DVL2: variants seen among roughly 807,000 people sequenced by gnomAD.
DVL2 encodes the protein segment polarity protein dishevelled homolog DVL-2.
Under a neutral mutation model 69.8 loss-of-function variants are expected in DVL2, and 38 were observed. That is an observed-to-expected ratio of 0.54 (90% CI 0.42 to 0.71). The LOEUF (loss-of-function observed/expected upper bound fraction) is 0.71, where lower values mean the gene tolerates loss of function less well. DVL2 is among the 30% of genes least tolerant of loss of function. DVL2 has a pLI of 0.00. For synonymous variants in DVL2, 428 were observed against 392.4 expected (o/e 1.09, Z -1.07); for missense variants, 931 against 1,008.1 (o/e 0.92, Z 1.04).
chr17:7,234,278 C>T lies in DVL2; in HGVS notation c.-16G>A. Reference sequence around the variant, plus strand: ...TACCCGCCATGGTCTCGCCCGCGCGCTCCCGGGCTCCACCGCCCACCCAAA... The same window carrying T: ...TACCCGCCATGGTCTCGCCCGCGCGTTCCCGGGCTCCACCGCCCACCCAAA... On this transcript the variant is annotated 5_prime_UTR_variant, in exon 1 of 15. Coordinates refer to ENST00000005340, the MANE Select transcript of DVL2 (RefSeq NM_004422.3). 6.2e-7 allele frequency: 1 copy of T among 1,603,860 alleles called. No homozygotes were observed. Among genetic ancestry groups the T allele is most frequent in the African/African-American group, 1.3e-5 (1 of 74,812 alleles).
chr17:7,226,169 T>G lies in DVL2; in HGVS notation c.1907A>C (p.Glu636Ala), dbSNP rs767826461. The change falls in exon 15 of 15, where the codon GAA becomes GCA. Residue 636 changes from glutamate (E) to alanine (A), a missense_variant. Physicochemically the swap from Glu to Ala is moderately radical, Grantham distance 107. Transcript: ENST00000005340. ...SRGGSLRRGG[E>A]ASGTSDGGPP... Reference sequence around the variant, plus strand: ...GCCCCCATCGCTAGTCCCACTTGCTTCCCCACCCCGCCGAAGGCTGCCCCC... The same window carrying G: ...GCCCCCATCGCTAGTCCCACTTGCTGCCCCACCCCGCCGAAGGCTGCCCCC... The G allele has an allele frequency of 1.9e-6, 3 of 1,611,412 alleles. No homozygotes were observed. The highest frequency in any genetic ancestry group is 2.5e-6 in the Non-Finnish European group (3 of 1,179,054).
At chr17:7,228,850 G>T in intron 9 of DVL2, 119 bp downstream of exon 9, 2 of 1,009,836 alleles carry the variant, frequency 2.0e-6, no homozygotes, top group East Asian at 2.6e-5. Flanking sequence ...CCAAAGTGCT[G>T]GGTTTACAGG....
rs201425014 is a variant in DVL2, at chr17:7,225,979, C to G, written c.2097G>C (p.Pro699=). 3 of 1,613,666 alleles carry G rather than the reference C, an allele frequency of 1.9e-6. No individual in the cohort carries two copies. The highest frequency in any genetic ancestry group is 3.3e-5 in the Admixed American group (2 of 60,014). Residue 699 remains proline (P), a synonymous_variant, in exon 15 of 15, where the codon CCG becomes CCC. Transcript: ENST00000005340. ...PPPVPPAVQP[P]GAPPVRDLGS... ...CCAGGTCTCTGACTGGAGGGGCCCC[C>G]GGAGGCTGCACTGCTGGAGGGACTG... is the stretch of plus-strand genomic sequence containing the variant.
rs376235365 is a variant in DVL2 at position 7,230,807 on chromosome 17, G to T, written c.195-10C>A. ...TTCTTCCTTCACCACCCTGCCAAGC[G>T]ACAAGGTAGAGGTCAGTGAGCTGGA... On this transcript the variant is annotated splice_polypyrimidine_tract_variant and intron_variant, in intron 1 of 14. Transcript: ENST00000005340. 1 of 1,610,696 alleles carries T rather than the reference G, an allele frequency of 6.2e-7. No individual in the cohort carries two copies. The highest frequency in any genetic ancestry group is 8.5e-7 in the Non-Finnish European group (1 of 1,177,850).
Position 7,226,301 on chromosome 17 carries a change from C to T in DVL2, c.1775G>A (p.Ser592Asn), listed in dbSNP as rs2071446035. ...CCCCCCATCACTCCGTGTCGACCCACTGCTCCGGCTGCCTGTGGAGGGAGG... is the reference window on the plus strand; with the variant it reads ...CCCCCCATCACTCCGTGTCGACCCATTGCTCCGGCTGCCTGTGGAGGGAGG... Reference protein sequence around the residue: ...SSQHSEGSRSSGSTRSDGGAG... With the variant: ...SSQHSEGSRSNGSTRSDGGAG... Residue 592 changes from serine (S) to asparagine (N), a missense_variant, in exon 15 of 15, where the codon AGT becomes AAT. Around this residue, in one of 3 missense-constraint regions of DVL2, gnomAD observed 314 missense variants for 313.7 expected, o/e 1.00. Coordinates refer to ENST00000005340, the MANE Select transcript of DVL2 (RefSeq NM_004422.3). The T allele has an allele frequency of 1.9e-6, 3 of 1,564,904 alleles. No homozygotes were observed. The highest frequency in any genetic ancestry group is 2.7e-5 in the African/African-American group (2 of 73,392).
Position 7,226,110 on chromosome 17 carries a change from G to T in DVL2, c.1966C>A (p.Pro656Thr). The change falls in exon 15 of 15, where the codon CCT becomes ACT. Residue 656 changes from proline (P) to threonine (T), a missense_variant. Physicochemically the swap from Pro to Thr is conservative, Grantham distance 38 (BLOSUM62 -1). Transcript: ENST00000005340. Reference protein sequence around the residue: ...PPSRGSTGGAPNLRAHPGLHP... With the variant: ...PPSRGSTGGATNLRAHPGLHP... ...AGCCCTGGGTGGGCTCGGAGATTAG[G>T]GGCACCCCCAGTTGAGCCTCTGGAT... The T allele has an allele frequency of 6.3e-7, 1 of 1,596,914 alleles. No individual in the cohort carries two copies. Among genetic ancestry groups the T allele is most frequent in the Non-Finnish European group, 8.5e-7 (1 of 1,170,772 alleles).
At chr17:7,230,861 A>T in intron 1 of DVL2, 64 bp from the exon 2 acceptor site, 1 of 1,280,726 alleles carries the variant, frequency 7.8e-7, no homozygotes, top group Non-Finnish European at 1.1e-6. Context: ...ACCCCCATCA[A>T]ACTTTCTCCC....
chr17:7,225,428 C>T lies in DVL2; in HGVS notation c.*437G>A. The T allele has an allele frequency of 2.2e-6, 1 of 446,552 alleles. No homozygotes were observed. The highest frequency in any genetic ancestry group is 4.1e-6 in the Non-Finnish European group (1 of 243,610). 27.7% of individuals were successfully genotyped at this position (446,552 alleles called of 1,614,324 possible). The stretch of plus-strand genomic sequence containing the variant: ...AAAGGCAGCTACATGGCCCAAATCT[C>T]CCAGCTTCCTCAGGCTGCTGTCTAG... On this transcript the variant is annotated 3_prime_UTR_variant, in exon 15 of 15. Transcript: ENST00000005340.
chr17:7,227,341 A>G (rs200892952), intron 12 of DVL2, 63 bp downstream of exon 12: 138 of 1,604,396 alleles, frequency 8.6e-5, no homozygotes, highest in African/African-American at 1.3e-5. Flanking sequence ...TGCCTGTGCC[A>G]TTCCTGGCTT....
At position 7,226,462 on chromosome 17, in the gene DVL2, T is replaced by C; in HGVS notation, c.1721A>G (p.Tyr574Cys). ...QPPPYHELSS[Y>C]TYGGGSASSQ... ...GCTGGCACTGCCCCCACCATAGGTG[T>C]AAGATGAAAGCTCATGGTAGGGTGG... is the stretch of plus-strand genomic sequence containing the variant. The change falls in exon 14 of 15, where the codon TAC (tyrosine) becomes TGC (cysteine). Residue 574 changes from tyrosine to cysteine, a missense_variant. Transcript: ENST00000005340. 1 of 1,556,428 alleles carries C rather than the reference T, an allele frequency of 6.4e-7. No individual in the cohort carries two copies. The highest frequency in any genetic ancestry group is 2.3e-5 in the East Asian group (1 of 44,288).
chr17:7,229,119 C>A lies in DVL2; in HGVS notation c.957+16G>T. The A allele has an allele frequency of 6.2e-7, 1 of 1,613,964 alleles. No individual in the cohort carries two copies. Among genetic ancestry groups the A allele is most frequent in the Non-Finnish European group, 8.5e-7 (1 of 1,179,862 alleles). ...GCCCCCGTGCAGGGCAGCTCAGTGGCCCTACCCCAGCACACCTGCAAAAGC... is the reference window on the plus strand; with the variant it reads ...GCCCCCGTGCAGGGCAGCTCAGTGGACCTACCCCAGCACACCTGCAAAAGC... On this transcript the variant is annotated intron_variant, in intron 8 of 14. Transcript: ENST00000005340. This position sits in a 1 kb window ranked among gnomAD's most constrained non-coding sequence, Gnocchi z 4.4.
chr17:7,230,475 G>GGTGT, intron 2 of DVL2, 45 bp from the exon 3 acceptor site: 1 of 1,603,696 alleles, frequency 6.2e-7, no homozygotes, highest in Non-Finnish European at 8.5e-7. Context: ...TGGGAGTCAG[G>GGTGT]GTGTGACAGG....
In DVL2 at chr17:7,234,107, G is replaced by A. The variant is rs762331623; in HGVS notation, c.156C>T (p.Gly52=). The A allele has an allele frequency of 1.2e-6, 2 of 1,614,010 alleles. No homozygotes were observed. The highest frequency in any genetic ancestry group is 1.7e-5 in the Admixed American group (1 of 60,012). ...CCATAGACTTGAAAAAGTACTTGGC[G>A]CCCGCGGGCCGCTGCAGGACGCTCT... ...DFKSVLQRPA[G]AKYFFKSMDQ... The change falls in exon 1 of 15, where the codon GGC becomes GGT. Residue 52 remains glycine, a synonymous_variant. Transcript: ENST00000005340.
At position 7,226,421 on chromosome 17, in the gene DVL2, CCTCA is replaced by C; in HGVS notation, c.1758_1761del (p.Ser586ArgfsTer94). On this transcript the variant is annotated frameshift_variant and splice_region_variant, in exon 14 of 15. Transcript: ENST00000005340. LOFTEE classifies it low-confidence loss of function (END_TRUNC). ...GTACAGGTATGTGGGGATGACTTAC[CCTCA>C]CTATGCTGGCTGCTGGCACTGCCCC... 6.5e-7 allele frequency: 1 copy of C among 1,531,280 alleles called. No homozygotes were observed. Among genetic ancestry groups the C allele is most frequent in the Non-Finnish European group, 8.8e-7 (1 of 1,140,060 alleles). 94.9% of individuals were successfully genotyped at this position (1,531,280 alleles called of 1,614,324 possible).
Position 7,229,734 on chromosome 17 carries a change from G to T in DVL2, c.657-56C>A. The T allele has an allele frequency of 6.3e-7, 1 of 1,581,572 alleles. No individual in the cohort carries two copies. On this transcript the variant is annotated intron_variant, in intron 5 of 14. Transcript: ENST00000005340. The surrounding 1 kb of genome is among the most constrained non-coding windows in gnomAD (Gnocchi z 4.4). ...TAGGCCAAAGTGGTCATGGGGCCAA[G>T]AGAAAGAACAAGAGGATTGACTGGA...
rs373299689 is a variant in DVL2, at chr17:7,225,889, G to A, written c.2187C>T (p.Ser729=). The stretch of plus-strand genomic sequence containing the variant: ...GCTACATAACATCCACAAAGAACTC[G>A]CTGGGATTGCCCATGGCCATGTGGA... The part of the protein sequence containing the change: ...QSFHMAMGNP[S]EFFVDVM The change falls in exon 15 of 15, where the codon AGC becomes AGT. Residue 729 remains serine (S), a synonymous_variant. Coordinates refer to ENST00000005340, the MANE Select transcript of DVL2 (RefSeq NM_004422.3). The A allele has an allele frequency of 2.4e-5, 38 of 1,613,782 alleles. No homozygotes were observed. In the East Asian group the frequency reaches 4.0e-4, roughly 17 times the overall value.
Position 7,230,790 on chromosome 17 carries a change from T to C in DVL2, c.202A>G (p.Lys68Glu). The C allele has an allele frequency of 6.2e-7, 1 of 1,612,962 alleles. No individual in the cohort carries two copies. Among genetic ancestry groups the C allele is most frequent in the Non-Finnish European group, 8.5e-7 (1 of 1,179,384 alleles). Residue 68 changes from lysine (K) to glutamate (E), a missense_variant, in exon 2 of 15, where the codon AAG (lysine) becomes GAG (glutamate). By Grantham distance (56) the Lys-to-Glu change is moderately conservative. Around this residue, in one of 3 missense-constraint regions of DVL2, gnomAD observed 555 missense variants for 588.8 expected, o/e 0.94. Transcript: ENST00000005340. ...KSMDQDFGVV[K>E]EEISDDNARL... ...GCGTTGTCATCTGAAATTTCTTCCTTCACCACCCTGCCAAGCGACAAGGTA... is the reference window on the plus strand; with the variant it reads ...GCGTTGTCATCTGAAATTTCTTCCTCCACCACCCTGCCAAGCGACAAGGTA...
In DVL2 at chr17:7,226,653, G is replaced by T; in HGVS notation, c.1544-14C>A. ...GGTTGACTAGGTCTGGAAAGCAAGG[G>T]AAGAGAGGAAGAAATCACTGCTTCA... On this transcript the variant is annotated splice_polypyrimidine_tract_variant and intron_variant, in intron 13 of 14. Transcript: ENST00000005340. 1 of 1,518,038 alleles carries T rather than the reference G, an allele frequency of 6.6e-7. No homozygotes were observed. The highest frequency in any genetic ancestry group is 1.4e-5 in the African/African-American group (1 of 71,982). The allele number at this position is 1,518,038 out of a possible 1,614,324, so 94.0% of individuals were successfully genotyped here. A position where few individuals can be genotyped will look rare whatever the true frequency, so the allele number is the denominator to read the frequency against.
At chr17:7,233,143 G>T (rs2071571642) in intron 1 of DVL2, among the ~76,000 whole-genome samples, 1 of 138,734 alleles carries the variant, frequency 7.2e-6, no homozygotes, top group South Asian at 2.3e-4. Context: ...CAGCCCCAAA[G>T]ACCATAAACA....
Sources: gnomAD v4.1 joint callset for allele counts (sites outside exome capture counted in the v4.1 genomes callset) on GRCh38, gnomAD v4.1.1 for gene constraint, gnomAD v4.1.1 regional missense constraint, Gnocchi (gnomAD v3.1) non-coding constraint, MANE v1.5 for transcripts, NCBI Gene and HGNC (gene_info 2026-07-23, HGNC 2026-07-21) for gene names.